SEC11A: variants seen among roughly 807,000 people sequenced by gnomAD.
SEC11A encodes signal peptidase complex catalytic subunit SEC11A.
Under a neutral mutation model 25.6 loss-of-function variants are expected in SEC11A, and 14 were observed. The ratio of observed to expected loss-of-function variants is 0.55; its 90% CI spans 0.36 to 0.85. The LOEUF (loss-of-function observed/expected upper bound fraction) is 0.85, where lower values mean the gene tolerates loss of function less well. Ranked by LOEUF, SEC11A falls within the 40% of genes least tolerant of loss-of-function variation. SEC11A has a pLI of 0.01. For missense variants in SEC11A, 153 were observed against 222.9 expected (o/e 0.69, Z 2.00); for synonymous variants, 83 against 76.4 (o/e 1.09, Z -0.45).
At chr15:84,697,991 T>A (rs1358845188) in intron 1 of SEC11A, among the ~76,000 whole-genome samples, 1 of 152,216 alleles carries the variant, frequency 6.6e-6, no homozygotes, top group African/African-American at 2.4e-5. Context: ...TATAGGGATT[T>A]GTGTTTACTA....
intron 4 of SEC11A, chr15:84,671,186 C>G (rs1896974422): frequency 6.5e-6 from 1 of 154,156 alleles, no homozygotes; most frequent in South Asian, 2.0e-4. Flanking sequence ...CAAAGTACTT[C>G]ATGTTAAGTG....
intron 1 of SEC11A, among the ~76,000 whole-genome samples, chr15:84,705,594 C>T (rs1898069879): frequency 6.6e-6 from 1 of 152,090 alleles, no homozygotes. Flanking sequence ...GTGGCTCACA[C>T]CTGTAATCCC....
At chr15:84,682,450 T>G (rs950818989) in intron 3 of SEC11A, among the ~76,000 whole-genome samples, 1 of 152,140 alleles carries the variant, frequency 6.6e-6, no homozygotes, top group African/African-American at 2.4e-5. Context: ...TTTTTTTGTT[T>G]TGTTTTGTTT....
intron 4 of SEC11A, chr15:84,673,957 G>GT (rs1336611727): frequency 1.3e-5 from 2 of 152,078 alleles, no homozygotes; most frequent in Admixed American, 6.5e-5. Flanking sequence ...GCAGATTCTT[G>GT]TATCTTTCCC....
At chr15:84,694,610 C>T (rs910279652) in intron 1 of SEC11A, among the ~76,000 whole-genome samples, 3 of 152,222 alleles carry the variant, frequency 2.0e-5, no homozygotes, top group African/African-American at 4.8e-5. Flanking sequence ...TTTACCCCAA[C>T]CACTCTAAAA....
At chr15:84,695,695 C>T (rs1444311461) in intron 1 of SEC11A, among the ~76,000 whole-genome samples, 1 of 152,164 alleles carries the variant, frequency 6.6e-6, no homozygotes, top group Non-Finnish European at 1.5e-5. Context: ...TTTCTCCCTA[C>T]AATTAACCTG....
intron 4 of SEC11A, among the ~76,000 whole-genome samples, chr15:84,679,008 CA>C (rs1189311572): frequency 6.8e-6 from 1 of 147,248 alleles, no homozygotes; most frequent in Non-Finnish European, 1.5e-5. Context: ...AAAAAAAAGG[CA>C]AAAAAAAGTA....
intron 1 of SEC11A, among the ~76,000 whole-genome samples, chr15:84,705,611 T>C (rs924488725): frequency 3.9e-5 from 6 of 151,942 alleles, no homozygotes; most frequent in African/African-American, 1.5e-4. Flanking sequence ...TCCCAGCACT[T>C]TGGGAGGCCG....
intron 5 of SEC11A, 189 bp from the exon 6 acceptor site, chr15:84,670,258 C>CTTT (rs71132694): frequency 2.6e-4 from 76 of 291,128 alleles, no homozygotes; most frequent in South Asian, 4.2e-4. Flanking sequence ...AAATAATTTT[C>CTTT]TTTTTTTTTT....
Position 84,714,018 on chromosome 15 carries a change from C to CTTTTT in SEC11A, c.51+2002_51+2006dup, listed in dbSNP as rs34873142. On this transcript the variant is annotated intron_variant, in intron 1 of 5. Transcript: ENST00000268220. ...AAATCCACATCCTGCCATATACCTTCTTTTTTTTTTTTTTTTTTTTTTGAG... is the reference window on the plus strand; with the variant it reads ...AAATCCACATCCTGCCATATACCTTCTTTTTTTTTTTTTTTTTTTTTTTTTTTGAG... Among the ~76,000 whole-genome samples, 337 of 100,394 alleles carry CTTTTT rather than the reference C, an allele frequency of 3.4e-3. 2 individuals carry two copies. Among genetic ancestry groups the CTTTTT allele is most frequent in the African/African-American group, 3.7e-3 (93 of 25,306 alleles). The allele number at this position is 100,394 out of a possible 152,430, so 65.9% of individuals were successfully genotyped here.
chr15:84,697,340 A>C lies in SEC11A; in HGVS notation c.52-5696T>G, dbSNP rs531817067. 1.1e-4 allele frequency among the ~76,000 whole-genome samples: 16 copies of C among 152,360 alleles called. No individual in the cohort carries two copies. In the South Asian group the frequency reaches 3.1e-3, roughly 30 times the overall value. On this transcript the variant is annotated intron_variant, in intron 1 of 5. Coordinates refer to ENST00000268220, the MANE Select transcript of SEC11A (RefSeq NM_014300.4). ...TTCTTGCAAGAAAGGTCACTATCCC[A>C]GCCATAATTATCCTTCTCCTTTTTC...
chr15:84,689,414 G>A (rs562569685), intron 2 of SEC11A, among the ~76,000 whole-genome samples: 32 of 151,928 alleles, frequency 2.1e-4, no homozygotes, highest in African/African-American at 7.3e-4. Context: ...ATCATATCTC[G>A]ATAATTTGGT....
chr15:84,705,172 G>A (rs1485309416), intron 1 of SEC11A, among the ~76,000 whole-genome samples: 1 of 152,156 alleles, frequency 6.6e-6, no homozygotes, highest in Admixed American at 6.6e-5. Context: ...TGATCCTCCT[G>A]TCCAGGCTTC....
intron 1 of SEC11A, among the ~76,000 whole-genome samples, chr15:84,701,373 G>A (rs1220372252): frequency 6.6e-6 from 1 of 151,322 alleles, no homozygotes; most frequent in Non-Finnish European, 1.5e-5. Context: ...AGGGTGGAGT[G>A]CAATGGCATG....
At chr15:84,708,410 T>C (rs1898162724) in intron 1 of SEC11A, among the ~76,000 whole-genome samples, 1 of 152,054 alleles carries the variant, frequency 6.6e-6, no homozygotes, top group African/African-American at 2.4e-5. Flanking sequence ...CAGATTACTT[T>C]TCCATAATCA....
intron 1 of SEC11A, among the ~76,000 whole-genome samples, chr15:84,703,415 C>T (rs1041120589): frequency 1.3e-5 from 2 of 152,196 alleles, no homozygotes; most frequent in African/African-American, 2.4e-5. Flanking sequence ...TGGCTCCTAA[C>T]GATGCTACCC....
chr15:84,699,437 T>A (rs1008379423), intron 1 of SEC11A, among the ~76,000 whole-genome samples: 8 of 151,502 alleles, frequency 5.3e-5, no homozygotes, highest in African/African-American at 1.9e-4. Context: ...GGACAAAATA[T>A]ATGAAACAAG....
At chr15:84,680,500 T>A (rs1897260155) in intron 4 of SEC11A, among the ~76,000 whole-genome samples, 1 of 152,164 alleles carries the variant, frequency 6.6e-6, no homozygotes, top group Non-Finnish European at 1.5e-5. Context: ...ATTCTATTCT[T>A]TTATTGCACC....
At chr15:84,670,882 T>G in intron 4 of SEC11A, 100 bp from the exon 5 acceptor site, 1 of 548,582 alleles carries the variant, frequency 1.8e-6, no homozygotes, top group East Asian at 3.3e-5. Context: ...ATACTAATTT[T>G]CAATTCACAA....
Sources: gnomAD v4.1 joint callset for allele counts (sites outside exome capture counted in the v4.1 genomes callset) on GRCh38, gnomAD v4.1.1 for gene constraint, MANE v1.5 for transcripts, NCBI Gene and HGNC (gene_info 2026-07-23, HGNC 2026-07-21) for gene names.